SLC8A1: variants seen among roughly 807,000 people sequenced by gnomAD.
The protein encoded by SLC8A1 is sodium/calcium exchanger 1.
SLC8A1 carries 18 observed loss-of-function variants against 68.3 expected under a neutral mutation model. That is an observed-to-expected ratio of 0.26 (90% confidence interval 0.18 to 0.39). SLC8A1 has a LOEUF of 0.39. Among genes scored for constraint, SLC8A1 ranks in the 10% least tolerant of loss-of-function variants. The pLI is 1.00. For missense variants in SLC8A1, 985 were observed against 1,156.7 expected (o/e 0.85, Z 2.15); for synonymous variants, 475 against 415.5 (o/e 1.14, Z -1.74).
intron 2 of SLC8A1, among the ~76,000 whole-genome samples, chr2:40,302,049 G>C (rs893469834): frequency 6.6e-6 from 1 of 150,762 alleles, no homozygotes; most frequent in African/African-American, 2.4e-5. Context: ...GTGTGTGTGT[G>C]TGTGTGTGTG....
At chr2:40,392,075 G>A (rs528638709) in intron 2 of SLC8A1, among the ~76,000 whole-genome samples, 2 of 150,256 alleles carry the variant, frequency 1.3e-5, no homozygotes, top group South Asian at 4.2e-4. Flanking sequence ...GGAGAAGGAA[G>A]GAAGGAGAAA....
chr2:40,325,659 G>A (rs918506833), intron 2 of SLC8A1, among the ~76,000 whole-genome samples: 1 of 151,108 alleles, frequency 6.6e-6, no homozygotes, highest in African/African-American at 2.4e-5. Context: ...AGCATCTCTT[G>A]GGCCGGGCGC....
exon 8 of SLC8A1, chr2:40,109,799 A>G (rs970539677): frequency 6.6e-6 from 1 of 152,196 alleles, no homozygotes; most frequent in Admixed American, 6.5e-5. Context: ...GCATAATTCT[A>G]AAAAATGTGA....
chr2:40,176,540 A>G (rs2048495284), intron 3 of SLC8A1, among the ~76,000 whole-genome samples: 1 of 152,156 alleles, frequency 6.6e-6, no homozygotes, highest in South Asian at 2.1e-4. Context: ...TCATTAAAAT[A>G]GGCCTTGAGT....
intron 2 of SLC8A1, among the ~76,000 whole-genome samples, chr2:40,224,167 A>G (rs572742692): frequency 1.2e-4 from 19 of 152,256 alleles, no homozygotes; most frequent in Non-Finnish European, 1.9e-4. Flanking sequence ...GTAGCCAATC[A>G]CTTAGCACCA....
intron 2 of SLC8A1, among the ~76,000 whole-genome samples, chr2:40,295,883 C>A (rs565534381): frequency 1.3e-5 from 2 of 152,056 alleles, no homozygotes; most frequent in African/African-American, 4.8e-5. Flanking sequence ...GCCCTTTCTG[C>A]GTACTTCTGA....
At chr2:40,274,989 A>G (rs957652389) in intron 2 of SLC8A1, among the ~76,000 whole-genome samples, 2 of 152,242 alleles carry the variant, frequency 1.3e-5, no homozygotes, top group African/African-American at 4.8e-5. Flanking sequence ...CTAGGAAAAT[A>G]TAAGTAATTT....
At chr2:40,441,580 T>G (rs531203556) in intron 1 of SLC8A1, among the ~76,000 whole-genome samples, 8 of 151,792 alleles carry the variant, frequency 5.3e-5, no homozygotes, top group Non-Finnish European at 8.8e-5. Context: ...TATAGACCAA[T>G]AGAACAGAAC....
chr2:40,415,859 T>TATAC (rs375766392), intron 2 of SLC8A1, among the ~76,000 whole-genome samples: 46 of 113,534 alleles, frequency 4.1e-4, no homozygotes, highest in Non-Finnish European at 1.1e-4. Flanking sequence ...ACTAAAAGTA[T>TATAC]ACACACACAC....
chr2:40,344,424 C>T (rs535277078), intron 2 of SLC8A1, among the ~76,000 whole-genome samples: 5 of 151,980 alleles, frequency 3.3e-5, no homozygotes, highest in African/African-American at 7.3e-5. Flanking sequence ...ACTCACTGTC[C>T]GTATAGACAC....
At chr2:40,343,490 G>T (rs758033626) in intron 2 of SLC8A1, among the ~76,000 whole-genome samples, 11 of 152,118 alleles carry the variant, frequency 7.2e-5, no homozygotes, top group Admixed American at 7.2e-4. Flanking sequence ...CTTACTATTT[G>T]TAAGGCACTG....
chr2:40,297,359 C>T (rs886384751), intron 2 of SLC8A1, among the ~76,000 whole-genome samples: 3 of 152,144 alleles, frequency 2.0e-5, no homozygotes, highest in Non-Finnish European at 4.4e-5. Context: ...TTCATAGTCT[C>T]CAAGAACCTG....
intron 2 of SLC8A1, among the ~76,000 whole-genome samples, chr2:40,367,016 A>G (rs2149494100): frequency 6.6e-6 from 1 of 152,050 alleles, no homozygotes; most frequent in South Asian, 2.1e-4. Context: ...TGATTTTTAA[A>G]GTTTTGAGGG....
intron 1 of SLC8A1, among the ~76,000 whole-genome samples, chr2:40,457,505 G>A (rs1703091664): frequency 6.6e-6 from 1 of 152,156 alleles, no homozygotes; most frequent in African/African-American, 2.4e-5. Context: ...TGAAACCTAA[G>A]GGGAAAATTG....
intron 2 of SLC8A1, among the ~76,000 whole-genome samples, chr2:40,412,443 G>A (rs985224334): frequency 6.6e-6 from 1 of 152,048 alleles, no homozygotes; most frequent in African/African-American, 2.4e-5. Flanking sequence ...TTAAAAGCTG[G>A]AAATAACTAG....
chr2:40,292,300 C>T (rs2069479599), intron 2 of SLC8A1, among the ~76,000 whole-genome samples: 1 of 152,160 alleles, frequency 6.6e-6, no homozygotes, highest in Non-Finnish European at 1.5e-5. Flanking sequence ...GCTGACAAGT[C>T]AGACTATTGA....
At chr2:40,340,639 G>C (rs1195080679) in intron 2 of SLC8A1, among the ~76,000 whole-genome samples, 2 of 152,174 alleles carry the variant, frequency 1.3e-5, no homozygotes, top group Non-Finnish European at 2.9e-5. Context: ...CCCAGGTTTA[G>C]GGTTAGGATT....
intron 2 of SLC8A1, among the ~76,000 whole-genome samples, chr2:40,282,060 T>C (rs2067611558): frequency 6.6e-6 from 1 of 152,200 alleles, no homozygotes; most frequent in Middle Eastern, 3.2e-3. Flanking sequence ...GTACCTTTAA[T>C]GACTGATGCT....
At chr2:40,414,639 CTTGT>C (rs1478802651) in intron 2 of SLC8A1, among the ~76,000 whole-genome samples, 1 of 151,954 alleles carries the variant, frequency 6.6e-6, no homozygotes, top group African/African-American at 2.4e-5. Flanking sequence ...TAAATGAGGA[CTTGT>C]TTTAGTCTCT....
Sources: allele counts gnomAD v4.1 joint callset (sites outside exome capture counted in the v4.1 genomes callset), GRCh38; gene constraint gnomAD v4.1.1; transcripts MANE v1.5; gene names NCBI Gene and HGNC (gene_info 2026-07-23, HGNC 2026-07-21).